MYL4: variants seen among roughly 807,000 people sequenced by gnomAD.
The protein encoded by MYL4 is myosin light chain 4.
Under a neutral mutation model 21.6 loss-of-function variants are expected in MYL4, and 16 were observed. The ratio of observed to expected loss-of-function variants is 0.74; its 90% confidence interval spans 0.50 to 1.12. The LOEUF (loss-of-function observed/expected upper bound fraction) is 1.12, where lower values mean the gene tolerates loss of function less well. Among genes scored for constraint, MYL4 ranks in the 50% most tolerant of loss-of-function variants. The pLI, the probability that MYL4 is intolerant of heterozygous loss-of-function variation, is 0.00. For synonymous variants in MYL4, 82 were observed against 95.7 expected (o/e 0.86, Z 0.83); for missense variants, 249 against 252.9 (o/e 0.98, Z 0.11).
At chr17:47,200,291 C>T (rs1812434621), upstream of MYL4, among the ~76,000 whole-genome samples, 1 of 151,864 alleles carries the variant, frequency 6.6e-6, no homozygotes, top group South Asian at 2.1e-4. Flanking sequence ...TCCCCAATTG[C>T]TGAGAAAGGA....
chr17:47,192,141 G>A, the MYL4 span, among the ~76,000 whole-genome samples: 33 of 151,888 alleles, frequency 2.2e-4, no homozygotes, highest in African/African-American at 6.0e-4. Flanking sequence ...GATCACCTGA[G>A]GTCAGGCGTT....
downstream of MYL4, among the ~76,000 whole-genome samples, chr17:47,226,701 C>A (rs189280954): frequency 2.4e-4 from 36 of 152,366 alleles, 1 homozygote; most frequent in Admixed American, 2.1e-3. Flanking sequence ...CAGTCCCTGG[C>A]TGGCACAGCC....
chr17:47,198,171 C>G (rs546268813), upstream of MYL4, among the ~76,000 whole-genome samples: 5 of 152,200 alleles, frequency 3.3e-5, no homozygotes, highest in African/African-American at 9.6e-5. Flanking sequence ...ATTCACTATT[C>G]TAGGATCTTA....
chr17:47,224,501 C>A (rs897931861), downstream of MYL4, among the ~76,000 whole-genome samples: 2 of 152,132 alleles, frequency 1.3e-5, no homozygotes, highest in African/African-American at 4.8e-5. Flanking sequence ...TTTCCACCAG[C>A]AGAAACACTG....
the MYL4 span, among the ~76,000 whole-genome samples, chr17:47,189,693 T>C: frequency 6.6e-5 from 10 of 152,140 alleles, no homozygotes; most frequent in African/African-American, 1.9e-4. Flanking sequence ...AACAGCAGAG[T>C]TTGGGGCTGT....
At chr17:47,208,582 CACACACAG>C (rs1209682146), upstream of MYL4, among the ~76,000 whole-genome samples, 1,185 of 150,370 alleles carry the variant, frequency 7.9e-3, 17 homozygotes, top group African/African-American at 0.027. Flanking sequence ...CACACACACA[CACACACAG>C]AGCACAGAAT....
At chr17:47,189,950 T>C in the MYL4 span, among the ~76,000 whole-genome samples, 1 of 151,844 alleles carries the variant, frequency 6.6e-6, no homozygotes, top group Non-Finnish European at 1.5e-5. Flanking sequence ...GCAATTGTGA[T>C]AAGATAAGGA....
intron 1 of MYL4, among the ~76,000 whole-genome samples, chr17:47,210,463 G>A (rs902056006): frequency 5.3e-5 from 8 of 152,164 alleles, no homozygotes; most frequent in African/African-American, 1.9e-4. Context: ...GAGTGGAAAA[G>A]GTCAAGTGGC....
upstream of MYL4, among the ~76,000 whole-genome samples, chr17:47,206,730 G>A (rs2064729679): frequency 6.6e-6 from 1 of 152,154 alleles, no homozygotes; most frequent in East Asian, 1.9e-4. Flanking sequence ...TCTCCTGATT[G>A]TTTTTCCTTT....
At chr17:47,204,989 C>A (rs966607709), upstream of MYL4, among the ~76,000 whole-genome samples, 11 of 152,092 alleles carry the variant, frequency 7.2e-5, no homozygotes. Context: ...GCATTTGATC[C>A]CAGGCAGGAG....
downstream of MYL4, among the ~76,000 whole-genome samples, chr17:47,225,703 C>T (rs1207522570): frequency 3.3e-5 from 5 of 152,172 alleles, no homozygotes; most frequent in African/African-American, 7.2e-5. Context: ...GTTTTCCAAG[C>T]TTGGCTCTTA....
rs766655631 is a variant in MYL4 at position 47,213,834 on chromosome 17, T to C, written c.163+8T>C. The C allele has an allele frequency of 1.2e-6, 2 of 1,613,992 alleles. No individual in the cohort carries two copies. The highest frequency in any genetic ancestry group is 8.5e-7 in the Non-Finnish European group (1 of 1,179,876). On this transcript the variant is annotated splice_region_variant and intron_variant, in intron 2 of 6. Transcript: ENST00000393450. ...CTGCCGACCAGATTGAAGGTGAGTA[T>C]GGACAACCCCACCTCTCCGTCTCTA...
intron 3 of MYL4, 137 bp from the exon 4 acceptor site, chr17:47,221,545 T>A (rs889415335): frequency 1.1e-6 from 1 of 927,020 alleles, no homozygotes; most frequent in East Asian, 2.5e-5. Context: ...GGAGCACTAA[T>A]GGGTGTACCA....
upstream of MYL4, among the ~76,000 whole-genome samples, chr17:47,205,777 G>A (rs1234944057): frequency 1.3e-5 from 2 of 152,178 alleles, no homozygotes; most frequent in African/African-American, 4.8e-5. Flanking sequence ...CTAGAGACTT[G>A]CCACATGCTT....
At chr17:47,227,372 G>A (rs1190050554), downstream of MYL4, among the ~76,000 whole-genome samples, 1 of 152,208 alleles carries the variant, frequency 6.6e-6, no homozygotes, top group East Asian at 1.9e-4. Context: ...TAAAGTTCAC[G>A]ATTTTCTTCA....
intron 1 of MYL4, among the ~76,000 whole-genome samples, chr17:47,213,201 G>A (rs765062206): frequency 1.3e-5 from 2 of 152,148 alleles, no homozygotes; most frequent in African/African-American, 2.4e-5. Flanking sequence ...TAGGCAGTCC[G>A]TGTACGTTCT....
downstream of MYL4, among the ~76,000 whole-genome samples, chr17:47,227,001 C>T (rs1404745362): frequency 2.0e-5 from 3 of 152,086 alleles, no homozygotes; most frequent in African/African-American, 2.4e-5. Context: ...ATTACAGGTG[C>T]GCGCCACCAC....
the MYL4 span, among the ~76,000 whole-genome samples, chr17:47,194,806 T>A: frequency 3.3e-5 from 5 of 152,196 alleles, no homozygotes; most frequent in South Asian, 4.1e-4. Flanking sequence ...CCACCCAGGT[T>A]GGAAGCTTAC....
At chr17:47,200,845 A>G (rs1242156141) in intron 1 of MYL4, among the ~76,000 whole-genome samples, 1 of 152,228 alleles carries the variant, frequency 6.6e-6, no homozygotes, top group Non-Finnish European at 1.5e-5. Flanking sequence ...CACCTATGCT[A>G]AAGCAGTCAA....
Sources: gnomAD v4.1 joint callset for allele counts (sites outside exome capture counted in the v4.1 genomes callset) on GRCh38, gnomAD v4.1.1 for gene constraint, MANE v1.5 for transcripts, NCBI Gene and HGNC (gene_info 2026-07-23, HGNC 2026-07-21) for gene names.